Variants in CMPK2 observed in about 807,000 individuals in gnomAD.
CMPK2 encodes UMP-CMP kinase 2, mitochondrial.
Under a neutral mutation model 33.4 loss-of-function variants are expected in CMPK2, and 32 were observed. The ratio of observed to expected loss-of-function variants is 0.96; its 90% CI spans 0.72 to 1.29. The LOEUF is 1.29. Among genes scored for constraint, CMPK2 ranks in the 50% most tolerant of loss-of-function variants. The pLI is 0.00. For missense variants in CMPK2, 672 were observed against 616.0 expected (o/e 1.09, Z -0.96); for synonymous variants, 299 against 275.3 (o/e 1.09, Z -0.85).
At chr2:6,846,033 A>G (rs781058140), downstream of CMPK2, among the ~76,000 whole-genome samples, 3 of 152,182 alleles carry the variant, frequency 2.0e-5, no homozygotes, top group Non-Finnish European at 4.4e-5. Context: ...AAAAGGGAAA[A>G]GAATTGGGAA....
At chr2:6,862,475 G>A (rs1662911808) in intron 2 of CMPK2, among the ~76,000 whole-genome samples, 1 of 152,204 alleles carries the variant, frequency 6.6e-6, no homozygotes, top group Non-Finnish European at 1.5e-5. Context: ...GTGGATGCTT[G>A]TGTTGAGGCT....
upstream of CMPK2, chr2:6,865,915 A>G: frequency 7.1e-7 from 1 of 1,403,984 alleles, no homozygotes; most frequent in Non-Finnish European, 9.3e-7. Flanking sequence ...TGTGCGCGAT[A>G]AACGGCCGGC....
chr2:6,850,021 T>C (rs1301857872), intron 4 of CMPK2, 48 bp from the exon 5 acceptor site: 1 of 1,399,568 alleles, frequency 7.1e-7, no homozygotes, highest in African/African-American at 1.4e-5. Context: ...TTCACACAGC[T>C]ATTTGCATTA....
At chr2:6,850,851 G>A in intron 4 of CMPK2, 1 of 988,016 alleles carries the variant, frequency 1.0e-6, no homozygotes, top group Admixed American at 5.9e-5. Flanking sequence ...CAGTCATGAG[G>A]CAGGAGGCCT....
rs955755590 is a variant in CMPK2, at chr2:6,861,301, C to T, written c.875G>A (p.Arg292Lys). 1 of 1,614,054 alleles carries T rather than the reference C, an allele frequency of 6.2e-7. No individual in the cohort carries two copies. The highest frequency in any genetic ancestry group is 1.7e-5 in the Admixed American group (1 of 60,016). Residue 292 changes from arginine (R) to lysine (K), a missense_variant, in exon 3 of 5, where the codon AGG becomes AAG. Coordinates refer to ENST00000256722, the MANE Select transcript of CMPK2 (RefSeq NM_207315.4). The part of the protein sequence containing the change: ...KSPPSCIGQW[R>K]KIFDDEPTII... ...AGTTGGTTCATCATCAAAGATCTTC[C>T]TCCACTGGCCAATGCAAGAGGGTGG...
chr2:6,863,376 TA>T (rs1349957907), intron 2 of CMPK2, 87 bp downstream of exon 2: 22 of 1,126,606 alleles, frequency 2.0e-5, no homozygotes, highest in Middle Eastern at 4.1e-4. Flanking sequence ...AGGCTCCATA[TA>T]AAGTTTGGTT....
chr2:6,849,091 T>C lies in CMPK2; in HGVS notation c.*759A>G. The C allele has an allele frequency of 5.1e-6, 5 of 984,428 alleles. No homozygotes were observed. The highest frequency in any genetic ancestry group is 6.0e-6 in the Non-Finnish European group (5 of 828,858). 61.0% of individuals were successfully genotyped at this position (984,428 alleles called of 1,614,324 possible). ...CCAGTTCAATGGAAAATGTGCATTC[T>C]ATTCAGAGCCATACTTTAGAAAAAA... On this transcript the variant is annotated 3_prime_UTR_variant, in exon 5 of 5. Coordinates refer to ENST00000256722, the MANE Select transcript of CMPK2 (RefSeq NM_207315.4).
Position 6,849,264 on chromosome 2 carries a change from G to C in CMPK2, c.*586C>G, listed in dbSNP as rs1193794291. On this transcript the variant is annotated 3_prime_UTR_variant, in exon 5 of 5. Transcript: ENST00000256722. ...CAGACACAAGATCAATGCCTTCTTT[G>C]TAAGTGTTCCTTACCCAAAAATGGC... 36 of 985,414 alleles carry C rather than the reference G, an allele frequency of 3.7e-5. No homozygotes were observed. Among genetic ancestry groups the C allele is most frequent in the Non-Finnish European group, 4.1e-5 (34 of 829,940 alleles). The allele number at this position is 985,414 out of a possible 1,614,324, so 61.0% of individuals were successfully genotyped here. A position where few individuals can be genotyped will look rare whatever the true frequency, so the allele number is the denominator to read the frequency against.
chr2:6,852,306 G>A (rs541455343), intron 3 of CMPK2, among the ~76,000 whole-genome samples: 128 of 152,262 alleles, frequency 8.4e-4, no homozygotes, highest in Non-Finnish European at 1.5e-3. Context: ...AGTGATTTTG[G>A]GGGAGGAAAA....
chr2:6,846,336 T>G (rs1662361541), downstream of CMPK2, among the ~76,000 whole-genome samples: 1 of 152,050 alleles, frequency 6.6e-6, no homozygotes, highest in Non-Finnish European at 1.5e-5. Context: ...TCACTCGGGG[T>G]GAAAGATCCT....
Position 6,861,345 on chromosome 2 carries a change from C to A in CMPK2, c.831G>T (p.Lys277Asn), listed in dbSNP as rs1404951578. Residue 277 changes from lysine (K) to asparagine (N), a missense_variant, in exon 3 of 5, where the codon AAG (lysine) becomes AAT (asparagine). Transcript: ENST00000256722. ...AGGGTGGTGACTTTAAGAGGACAGC[C>A]TTAAGTGAATCTGCCACTGACTGGG... ...TVTQSVADSL[K>N]AVLLKSPPSC... 1 of 1,614,176 alleles carries A rather than the reference C, an allele frequency of 6.2e-7. No homozygotes were observed. Among genetic ancestry groups the A allele is most frequent in the Non-Finnish European group, 8.5e-7 (1 of 1,180,038 alleles).
Position 6,849,820 on chromosome 2 carries a change from C to A in CMPK2, c.*30G>T. ...GTAGATGTTTCAAACAACATCTAAT[C>A]TAGTTAGACGTGGCACCTGGCCAGA... On this transcript the variant is annotated 3_prime_UTR_variant, in exon 5 of 5. Transcript: ENST00000256722. 1 of 1,612,308 alleles carries A rather than the reference C, an allele frequency of 6.2e-7. No homozygotes were observed. The highest frequency in any genetic ancestry group is 1.3e-5 in the African/African-American group (1 of 74,968).
intron 3 of CMPK2, among the ~76,000 whole-genome samples, chr2:6,859,835 G>A (rs1035129003): frequency 6.6e-6 from 1 of 152,228 alleles, no homozygotes; most frequent in African/African-American, 2.4e-5. Flanking sequence ...TTTGAAGAGA[G>A]CCACTGTCCA....
intron 3 of CMPK2, among the ~76,000 whole-genome samples, chr2:6,842,333 C>A (rs145479279): frequency 6.6e-6 from 1 of 152,146 alleles, no homozygotes; most frequent in Non-Finnish European, 1.5e-5. Context: ...TTTGAGGAGG[C>A]GATTATCTGT....
At chr2:6,851,728 C>A in intron 3 of CMPK2, 45 bp from the exon 4 acceptor site, 1 of 1,568,650 alleles carries the variant, frequency 6.4e-7, no homozygotes, top group South Asian at 1.1e-5. Flanking sequence ...CAGAAGAAGT[C>A]AAAGTAGCAT....
intron 3 of CMPK2, among the ~76,000 whole-genome samples, chr2:6,854,884 G>A (rs1415313570): frequency 1.3e-5 from 2 of 152,038 alleles, no homozygotes; most frequent in African/African-American, 4.8e-5. Context: ...TCAGAAAACT[G>A]GGGGACAGAG....
Position 6,863,499 on chromosome 2 carries a change from A to C in CMPK2, c.755T>G (p.Phe252Cys), listed in dbSNP as rs2103228746. Residue 252 changes from phenylalanine (F) to cysteine (C), a missense_variant, in exon 2 of 5, where the codon TTC (phenylalanine) becomes TGC (cysteine). By Grantham distance (205) the Phe-to-Cys change is radical. Coordinates refer to ENST00000256722, the MANE Select transcript of CMPK2 (RefSeq NM_207315.4). ...QCPKQIQKGKFQVVAIEGLDA... is the reference protein window; with the variant it reads ...QCPKQIQKGKCQVVAIEGLDA... Reference sequence around the variant, plus strand: ...CAGTCCTTCGATGGCAACAACCTGGAACTTTCCTTTCTGGATCTGTTTTGG... The same window carrying C: ...CAGTCCTTCGATGGCAACAACCTGGCACTTTCCTTTCTGGATCTGTTTTGG... 6.2e-7 allele frequency: 1 copy of C among 1,614,194 alleles called. No homozygotes were observed. Among genetic ancestry groups the C allele is most frequent in the Non-Finnish European group, 8.5e-7 (1 of 1,180,052 alleles).
Position 6,849,276 on chromosome 2 carries a change from T to G in CMPK2, c.*574A>C. The G allele has an allele frequency of 1.0e-6, 1 of 985,438 alleles. No individual in the cohort carries two copies. The highest frequency in any genetic ancestry group is 4.7e-5 in the South Asian group (1 of 21,292). The allele number at this position is 985,438 out of a possible 1,614,324, so 61.0% of individuals were successfully genotyped here. A position where few individuals can be genotyped will look rare whatever the true frequency, so the allele number is the denominator to read the frequency against. On this transcript the variant is annotated 3_prime_UTR_variant, in exon 5 of 5. Coordinates refer to ENST00000256722, the MANE Select transcript of CMPK2 (RefSeq NM_207315.4). ...CAATGCCTTCTTTGTAAGTGTTCCTTACCCAAAAATGGCTCTGCAGGAGTG... is the reference window on the plus strand; with the variant it reads ...CAATGCCTTCTTTGTAAGTGTTCCTGACCCAAAAATGGCTCTGCAGGAGTG...
intron 1 of CMPK2, 22 bp downstream of exon 1, chr2:6,865,000 T>C (rs1237269066): frequency 7.1e-7 from 1 of 1,402,188 alleles, no homozygotes; most frequent in South Asian, 1.6e-5. Flanking sequence ...CGCTGGGAGC[T>C]GGAAGCGGAC....
Sources: allele counts gnomAD v4.1 joint callset (sites outside exome capture counted in the v4.1 genomes callset), GRCh38; gene constraint gnomAD v4.1.1; transcripts MANE v1.5; gene names NCBI Gene and HGNC (gene_info 2026-07-23, HGNC 2026-07-21).